AFAP1: variants seen among roughly 807,000 people sequenced by gnomAD.
AFAP1 encodes the protein actin filament associated protein 1, also known as actin filament-associated protein 1.
Under a neutral mutation model 93.9 loss-of-function variants are expected in AFAP1, and 75 were observed. That is an observed-to-expected ratio of 0.80 (90% CI 0.66 to 0.97). The LOEUF (loss-of-function observed/expected upper bound fraction) is 0.97. Ranked by LOEUF, AFAP1 falls within the 50% of genes least tolerant of loss-of-function variation. The probability of loss-of-function intolerance (pLI) is 0.00; values close to 1 mark genes in which losing one functional copy is unlikely to be tolerated. For missense variants in AFAP1, 1,201 were observed against 1,050.8 expected (o/e 1.14, Z -1.98); for synonymous variants, 517 against 430.7 (o/e 1.20, Z -2.48).
intron 12 of AFAP1, among the ~76,000 whole-genome samples, chr4:7,783,274 G>C (rs1160974457): frequency 6.6e-6 from 1 of 152,114 alleles, no homozygotes; most frequent in East Asian, 1.9e-4. Flanking sequence ...TGAGTAGCTA[G>C]GATTACAGAT....
chr4:7,827,898 T>C (rs1377282731), intron 6 of AFAP1, among the ~76,000 whole-genome samples: 1 of 151,824 alleles, frequency 6.6e-6, no homozygotes, highest in Non-Finnish European at 1.5e-5. Context: ...GCTCCGAGAG[T>C]TGACTTCCAG....
chr4:7,814,789 G>A (rs900206658), intron 8 of AFAP1, among the ~76,000 whole-genome samples: 4 of 152,236 alleles, frequency 2.6e-5, no homozygotes, highest in African/African-American at 9.7e-5. Context: ...CACAGGGGCT[G>A]GGGGGTTAGA....
intron 7 of AFAP1, 60 bp from the exon 8 acceptor site, chr4:7,816,159 G>A: frequency 2.8e-6 from 4 of 1,411,830 alleles, no homozygotes; most frequent in South Asian, 1.2e-5. Flanking sequence ...AGTGATGTGT[G>A]ATGGATCAAC....
intron 10 of AFAP1, among the ~76,000 whole-genome samples, chr4:7,796,916 GC>G (rs1718481635): frequency 6.6e-6 from 1 of 151,188 alleles, no homozygotes; most frequent in Non-Finnish European, 1.5e-5. Context: ...AAAAAAATTA[GC>G]CAGGTGTGGT....
intron 17 of AFAP1, among the ~76,000 whole-genome samples, chr4:7,768,571 C>G (rs1714949212): frequency 6.6e-6 from 1 of 152,162 alleles, no homozygotes; most frequent in African/African-American, 2.4e-5. Flanking sequence ...CAGGGCTTGC[C>G]TGCATCTGAG....
At chr4:7,927,708 C>A (rs1319353065) in intron 1 of AFAP1, among the ~76,000 whole-genome samples, 1 of 152,074 alleles carries the variant, frequency 6.6e-6, no homozygotes, top group Non-Finnish European at 1.5e-5. Flanking sequence ...CATATATTCA[C>A]AGTGTATTTA....
At chr4:7,834,323 T>C (rs984792086) in intron 6 of AFAP1, among the ~76,000 whole-genome samples, 1 of 152,010 alleles carries the variant, frequency 6.6e-6, no homozygotes, top group African/African-American at 2.4e-5. Flanking sequence ...CAGTGGACTG[T>C]GGGGAATGAC....
chr4:7,767,288 GC>G (rs1560142934), intron 17 of AFAP1, among the ~76,000 whole-genome samples: 1 of 152,222 alleles, frequency 6.6e-6, no homozygotes, highest in African/African-American at 2.4e-5. Flanking sequence ...GCAAAAGGGA[GC>G]GGGGGGCCTG....
chr4:7,916,236 C>T (rs6838686), intron 1 of AFAP1, among the ~76,000 whole-genome samples: 152,342 of 152,342 alleles, frequency 1, 76,171 homozygotes, highest in Non-Finnish European at 1. Flanking sequence ...TGGCAAAAAC[C>T]GATGTCGTGC....
intron 12 of AFAP1, among the ~76,000 whole-genome samples, chr4:7,785,493 G>A (rs765299502): frequency 1.3e-5 from 2 of 152,156 alleles, no homozygotes; most frequent in African/African-American, 2.4e-5. Flanking sequence ...CTTCCTGAGG[G>A]GATTTCACAG....
intron 1 of AFAP1, among the ~76,000 whole-genome samples, chr4:7,918,292 A>C (rs1337000540): frequency 6.7e-6 from 1 of 148,962 alleles, no homozygotes; most frequent in Non-Finnish European, 1.5e-5. Context: ...GGTCACCAGG[A>C]AACAGGGCTG....
intron 3 of AFAP1, 61 bp downstream of exon 3, chr4:7,868,561 A>G: frequency 6.8e-7 from 1 of 1,477,606 alleles, no homozygotes; most frequent in Non-Finnish European, 9.3e-7. Flanking sequence ...AGGCCCCTGG[A>G]GCCCGTAAGT....
In AFAP1 at chr4:7,803,279, A is replaced by G. The variant is rs182766068; in HGVS notation, c.1055-2626T>C. 7.3e-4 allele frequency among the ~76,000 whole-genome samples: 112 copies of G among 152,390 alleles called. 1 individual carries two copies. Among genetic ancestry groups the G allele is most frequent in the Admixed American group, 2.0e-3 (30 of 15,310 alleles). ...CTTCTGAAAAGGAGCAGTAAGCTACAGGGCAAGGAAAACAGCCCGTGCTCT... is the reference window on the plus strand; with the variant it reads ...CTTCTGAAAAGGAGCAGTAAGCTACGGGGCAAGGAAAACAGCCCGTGCTCT... On this transcript the variant is annotated intron_variant, in intron 9 of 17. Transcript: ENST00000420658.
intron 3 of AFAP1, chr4:7,861,972 A>G (rs1289722508): frequency 1.3e-5 from 2 of 152,256 alleles, no homozygotes; most frequent in Non-Finnish European, 2.9e-5. Flanking sequence ...TAACAAGGTT[A>G]CTGTGAAGGT....
intron 1 of AFAP1, among the ~76,000 whole-genome samples, chr4:7,928,134 A>C (rs10031245): frequency 5.3e-5 from 8 of 152,022 alleles, no homozygotes; most frequent in Non-Finnish European, 1.0e-4. Flanking sequence ...ACGTAATAGC[A>C]ATGCATTCTT....
In AFAP1 at chr4:7,772,976, C is replaced by T; in HGVS notation, c.2097G>A (p.Leu699=). The change falls in exon 16 of 18, where the codon CTG becomes CTA. Residue 699 remains leucine (L), a synonymous_variant. Coordinates refer to ENST00000420658, the MANE Select transcript of AFAP1 (RefSeq NM_001134647.2). Reference sequence around the variant, plus strand: ...GCCGGCACTCCTCCTCCAGCTGCTTCAGCTTCTCCTCCAGGATCGCCTGCG... The same window carrying T: ...GCCGGCACTCCTCCTCCAGCTGCTTTAGCTTCTCCTCCAGGATCGCCTGCG... ...RKPQAILEEK[L]KQLEEECRQK... The T allele has an allele frequency of 1.2e-6, 2 of 1,612,520 alleles. No individual in the cohort carries two copies. Among genetic ancestry groups the T allele is most frequent in the Middle Eastern group, 1.6e-4 (1 of 6,062 alleles).
At chr4:7,913,324 A>T (rs1719879880) in intron 1 of AFAP1, among the ~76,000 whole-genome samples, 1 of 147,446 alleles carries the variant, frequency 6.8e-6, no homozygotes, top group Non-Finnish European at 1.5e-5. Flanking sequence ...TATGAGGCTG[A>T]GGCTGCAGTG....
chr4:7,780,504 C>T (rs79372513), intron 13 of AFAP1, among the ~76,000 whole-genome samples: 1 of 152,138 alleles, frequency 6.6e-6, no homozygotes, highest in African/African-American at 2.4e-5. Context: ...AAAGCATGAA[C>T]AATTCTTAGG....
At position 7,781,371 on chromosome 4, in the gene AFAP1, C is replaced by T. The variant is rs887477171; in HGVS notation, c.1782+5G>A. The T allele has an allele frequency of 3.0e-5, 46 of 1,550,930 alleles. 1 individual carries two copies. The Admixed American group carries it at 6.5e-4, about 22-fold the overall frequency. The stretch of plus-strand genomic sequence containing the variant: ...TCTAGAATCTTACAGAAGAAGATGC[C>T]GTACCTGCGAGTTGAGCCCGAGAGA... On this transcript the variant is annotated splice_donor_5th_base_variant and intron_variant, in intron 13 of 17. Transcript: ENST00000420658.
Sources: gnomAD v4.1 joint callset for allele counts (sites outside exome capture counted in the v4.1 genomes callset) on GRCh38, gnomAD v4.1.1 for gene constraint, MANE v1.5 for transcripts, NCBI Gene and HGNC (gene_info 2026-07-23, HGNC 2026-07-21) for gene names.